SNW1: variants seen among roughly 807,000 people sequenced by gnomAD.
SNW1 encodes SNW domain containing 1.
In SNW1, 9 loss-of-function variants were observed where a neutral mutation model predicts 75.6. That is an observed-to-expected ratio of 0.12 (90% CI 0.07 to 0.21). The LOEUF is 0.21. SNW1 is among the 10% of genes least tolerant of loss of function. The probability of loss-of-function intolerance (pLI) is 1.00; values close to 1 mark genes in which losing one functional copy is unlikely to be tolerated. For missense variants in SNW1, 409 were observed against 670.9 expected, an observed-to-expected ratio of 0.61 and a Z score of 4.31; for synonymous variants, 200 against 219.1, an observed-to-expected ratio of 0.91 and a Z score of 0.77.
At chr14:77,727,255 T>C (rs536428475) in intron 10 of SNW1, among the ~76,000 whole-genome samples, 77 of 152,268 alleles carry the variant, frequency 5.1e-4, no homozygotes, top group African/African-American at 1.7e-3. Flanking sequence ...GGTTTCATCA[T>C]GTTGGCCAGG....
rs890768670 is a variant in SNW1 at position 77,747,054 on chromosome 14, T to C, written c.330+4265A>G. On this transcript the variant is annotated intron_variant, in intron 3 of 13. Transcript: ENST00000261531. Reference sequence around the variant, plus strand: ...GCCTCAGCCTGCCGAGTGCCTGGGATTGCAGGTGCGCGCCGCCACGCCTGA... The same window carrying C: ...GCCTCAGCCTGCCGAGTGCCTGGGACTGCAGGTGCGCGCCGCCACGCCTGA... Among the ~76,000 whole-genome samples the C allele has an allele frequency of 4.6e-5, 7 of 152,230 alleles. No individual in the cohort carries two copies. In the East Asian group the frequency reaches 1.4e-3, roughly 29 times the overall value.
chr14:77,757,610 C>T (rs1309445372), intron 1 of SNW1, among the ~76,000 whole-genome samples: 2 of 152,142 alleles, frequency 1.3e-5, no homozygotes, highest in African/African-American at 4.8e-5. Context: ...CTATGCTCCC[C>T]CAAAACGCTC....
chr14:77,746,311 A>G (rs1594804501), intron 3 of SNW1, among the ~76,000 whole-genome samples: 1 of 152,252 alleles, frequency 6.6e-6, no homozygotes, highest in Admixed American at 6.5e-5. Flanking sequence ...CAGCAAGACA[A>G]ATGTCAATGA....
At chr14:77,722,906 G>A (rs1328256472) in intron 11 of SNW1, 13 of 430,514 alleles carry the variant, frequency 3.0e-5, no homozygotes, top group East Asian at 5.8e-5. Flanking sequence ...ATGCAGTGGC[G>A]TGATCTCGGC....
intron 3 of SNW1, among the ~76,000 whole-genome samples, chr14:77,743,765 G>A (rs1210474787): frequency 1.3e-5 from 2 of 152,108 alleles, no homozygotes; most frequent in Non-Finnish European, 2.9e-5. Flanking sequence ...GGATGGGGAC[G>A]CTACTGGGAT....
chr14:77,723,229 T>C lies in SNW1; in HGVS notation c.1082A>G (p.Lys361Arg), dbSNP rs764891316. The C allele has an allele frequency of 8.7e-6, 14 of 1,614,144 alleles. No individual in the cohort carries two copies. In the Admixed American group the frequency reaches 1.2e-4, roughly 13 times the overall value. ...ERDEIRHDRR[K>R]ERQHDRNLSR... ...AAGATTCCGGTCATGCTGTCTCTCTTTTCGCCTGTCATGCCGGATTTCATC... is the reference window on the plus strand; with the variant it reads ...AAGATTCCGGTCATGCTGTCTCTCTCTTCGCCTGTCATGCCGGATTTCATC... Residue 361 changes from lysine (K) to arginine (R), a missense_variant, in exon 11 of 14, where the codon AAA becomes AGA. By Grantham distance (26) the Lys-to-Arg change is conservative (BLOSUM62 2). Transcript: ENST00000261531.
intron 11 of SNW1, 25 bp downstream of exon 11, chr14:77,723,156 G>A (rs746139576): frequency 3.2e-6 from 5 of 1,577,692 alleles, no homozygotes; most frequent in African/African-American, 1.3e-5. Flanking sequence ...CACCATGATT[G>A]GTACACATCT....
At chr14:77,737,311 A>G (rs985228457) in intron 5 of SNW1, among the ~76,000 whole-genome samples, 1 of 152,182 alleles carries the variant, frequency 6.6e-6, no homozygotes, top group Admixed American at 6.6e-5. Flanking sequence ...ACCCATCCTC[A>G]TATGTTTTCC....
intron 1 of SNW1, chr14:77,760,572 A>C: frequency 1.5e-6 from 1 of 684,290 alleles, no homozygotes; most frequent in Non-Finnish European, 2.7e-6. Flanking sequence ...TAAAATGCGG[A>C]GCAGTGGCGC....
intron 12 of SNW1, among the ~76,000 whole-genome samples, chr14:77,719,807 TTAGAACA>T (rs1159668819): frequency 6.6e-6 from 1 of 151,956 alleles, no homozygotes; most frequent in African/African-American, 2.4e-5. Flanking sequence ...ATAACAAGAC[TTAGAACA>T]ATGCCAAGAA....
chr14:77,744,041 G>A (rs1221427854), intron 3 of SNW1, among the ~76,000 whole-genome samples: 1 of 151,320 alleles, frequency 6.6e-6, no homozygotes, highest in East Asian at 1.9e-4. Context: ...GGGTGTAGTC[G>A]CTCATGCCTG....
At chr14:77,757,402 T>C (rs1392497781) in intron 1 of SNW1, among the ~76,000 whole-genome samples, 1 of 152,214 alleles carries the variant, frequency 6.6e-6, no homozygotes, top group Non-Finnish European at 1.5e-5. Context: ...ATAAGCTACT[T>C]ACCTCTCTGA....
At chr14:77,723,105 C>T (rs2080556465) in intron 11 of SNW1, 76 bp downstream of exon 11, 3 of 1,184,226 alleles carry the variant, frequency 2.5e-6, no homozygotes, top group Admixed American at 1.7e-5. Context: ...CATTGGCCTC[C>T]CAAAGTGCTG....
At position 77,718,407 on chromosome 14, in the gene SNW1, T is replaced by G; in HGVS notation, c.1372A>C (p.Met458Leu). Residue 458 changes from methionine to leucine, a missense_variant, in exon 13 of 14, where the codon ATG (methionine) becomes CTG (leucine). By Grantham distance (15) the Met-to-Leu change is conservative. Coordinates refer to ENST00000261531, the MANE Select transcript of SNW1 (RefSeq NM_012245.3). ...YRPSKNLDKD[M>L]YGDDLEARIK... ...CTGGCTTCTAGGTCATCACCATACA[T>G]GTCCTTGTCCAGATTTTTACTGGGC... 1 of 1,614,182 alleles carries G rather than the reference T, an allele frequency of 6.2e-7. No individual in the cohort carries two copies. The highest frequency in any genetic ancestry group is 1.3e-5 in the African/African-American group (1 of 75,046).
intron 11 of SNW1, chr14:77,722,414 T>C (rs2080548872): frequency 5.1e-6 from 2 of 395,158 alleles, no homozygotes; most frequent in Non-Finnish European, 1.0e-5. Flanking sequence ...TCTACTTCTT[T>C]CAAAACTGCT....
chr14:77,720,587 C>A (rs1566825431), intron 12 of SNW1, 124 bp downstream of exon 12: 4 of 792,308 alleles, frequency 5.0e-6, no homozygotes, highest in East Asian at 2.4e-5. Context: ...TTTCAACATA[C>A]AACTTCCAAT....
intron 12 of SNW1, 151 bp from the exon 13 acceptor site, chr14:77,718,681 G>T: frequency 3.8e-6 from 2 of 526,096 alleles, no homozygotes; most frequent in Non-Finnish European, 3.3e-6. Flanking sequence ...TAAAAAACTG[G>T]TAGCACATGA....
At chr14:77,761,012 G>T (rs376906713) in intron 1 of SNW1, 102 bp downstream of exon 1, 228 of 1,613,696 alleles carry the variant, frequency 1.4e-4, no homozygotes, top group Non-Finnish European at 1.9e-4. Context: ...ACGTCATTCT[G>T]TGCCCCGGGT....
chr14:77,726,717 G>A (rs1004829060), intron 10 of SNW1, among the ~76,000 whole-genome samples: 1 of 151,974 alleles, frequency 6.6e-6, no homozygotes, highest in African/African-American at 2.4e-5. Context: ...AGGAGGCGGA[G>A]ACACAAGGAT....
Sources: gnomAD v4.1 joint callset for allele counts (sites outside exome capture counted in the v4.1 genomes callset) on GRCh38, gnomAD v4.1.1 for gene constraint, MANE v1.5 for transcripts, NCBI Gene and HGNC (gene_info 2026-07-23, HGNC 2026-07-21) for gene names.